The following RASGRF2 variants were observed in gnomAD, a reference collection of about 807,000 sequenced individuals.
RASGRF2 encodes the protein Ras protein specific guanine nucleotide releasing factor 2.
Under a neutral mutation model 151.0 loss-of-function variants are expected in RASGRF2, and 76 were observed. The observed-to-expected ratio is 0.50, with a 90% CI of 0.42 to 0.61. The LOEUF is 0.61. RASGRF2 is among the 20% of genes least tolerant of loss of function. The probability of loss-of-function intolerance (pLI) is 0.00; values close to 1 mark genes in which losing one functional copy is unlikely to be tolerated. For synonymous variants in RASGRF2, 504 were observed against 566.5 expected (o/e 0.89, Z 1.57); for missense variants, 1,148 against 1,564.6 (o/e 0.73, Z 4.49).
intron 17 of RASGRF2, among the ~76,000 whole-genome samples, chr5:81,144,115 ATGT>A (rs1316058807): frequency 2.6e-5 from 4 of 152,312 alleles, no homozygotes; most frequent in Middle Eastern, 3.4e-3. Context: ...ACCAATGATA[ATGT>A]TGTGATTATG....
At chr5:81,105,620 A>C (rs1402877803) in intron 12 of RASGRF2, among the ~76,000 whole-genome samples, 1 of 152,204 alleles carries the variant, frequency 6.6e-6, no homozygotes, top group Non-Finnish European at 1.5e-5. Context: ...GGTCTCACCA[A>C]ACACCATGTC....
chr5:81,015,137 G>C (rs10040873), intron 1 of RASGRF2, among the ~76,000 whole-genome samples: 19,532 of 152,096 alleles, frequency 0.13, 1,534 homozygotes, highest in South Asian at 0.19. Context: ...CACAAAGATG[G>C]TAGCCATTTT....
In RASGRF2 at chr5:81,113,793, T is replaced by G; in HGVS notation, c.2343T>G (p.Thr781=). 1 of 1,614,022 alleles carries G rather than the reference T, an allele frequency of 6.2e-7. No homozygotes were observed. Among genetic ancestry groups the G allele is most frequent in the Non-Finnish European group, 8.5e-7 (1 of 1,179,998 alleles). The change falls in exon 15 of 27, where the codon ACT becomes ACG. Residue 781 remains threonine, a synonymous_variant. Transcript: ENST00000265080. ...CCGCTGCGTCTCCACCACCACACAC[T>G]GGTCAGATACCACTGGATCTCAGCA... ...QSPAASPPPH[T]GQIPLDLSRG...
intron 1 of RASGRF2, among the ~76,000 whole-genome samples, chr5:80,968,085 T>C (rs1747780096): frequency 6.6e-6 from 1 of 152,266 alleles, no homozygotes; most frequent in African/African-American, 2.4e-5. Context: ...CAGGTTGTTG[T>C]GAGGCTCACA....
chr5:80,999,915 T>C (rs1307882128), intron 1 of RASGRF2, among the ~76,000 whole-genome samples: 1 of 152,190 alleles, frequency 6.6e-6, no homozygotes, highest in African/African-American at 2.4e-5. Flanking sequence ...GTTTAAAACA[T>C]CAATCACTTT....
At chr5:81,081,358 T>G (rs541641398) in intron 7 of RASGRF2, among the ~76,000 whole-genome samples, 1 of 152,292 alleles carries the variant, frequency 6.6e-6, no homozygotes, top group African/African-American at 2.4e-5. Flanking sequence ...ACCTGAGGAC[T>G]CTTGGCAACT....
At chr5:81,132,099 A>T (rs1753637325) in intron 17 of RASGRF2, among the ~76,000 whole-genome samples, 1 of 151,994 alleles carries the variant, frequency 6.6e-6, no homozygotes, top group Non-Finnish European at 1.5e-5. Context: ...TTGACACACT[A>T]TTTTTTTTAC....
intron 19 of RASGRF2, among the ~76,000 whole-genome samples, chr5:81,205,705 C>A (rs557804629): frequency 6.6e-6 from 1 of 152,294 alleles, no homozygotes; most frequent in South Asian, 2.1e-4. Context: ...CTTCCTCCAG[C>A]AGAGTACATG....
At chr5:80,982,580 CTATTATTAT>C (rs10634471) in intron 1 of RASGRF2, among the ~76,000 whole-genome samples, 1,975 of 135,158 alleles carry the variant, frequency 0.015, 36 homozygotes, top group Admixed American at 0.057. Flanking sequence ...AAATTTGGTT[CTATTATTAT>C]TATTATTATT....
intron 26 of RASGRF2, among the ~76,000 whole-genome samples, chr5:81,220,980 A>G (rs560559710): frequency 2.0e-5 from 3 of 152,120 alleles, no homozygotes; most frequent in Non-Finnish European, 4.4e-5. Flanking sequence ...GGTATTTTGC[A>G]GGATGGCCCA....
intron 2 of RASGRF2, among the ~76,000 whole-genome samples, chr5:81,057,133 T>C (rs2112427961): frequency 6.6e-6 from 1 of 152,314 alleles, no homozygotes; most frequent in East Asian, 1.9e-4. Context: ...CATTTACATT[T>C]AAGGTTAATA....
At chr5:80,963,460 GA>G (rs147681788) in intron 1 of RASGRF2, among the ~76,000 whole-genome samples, 2,902 of 152,154 alleles carry the variant, frequency 0.019, 41 homozygotes, top group South Asian at 0.059. Context: ...TTCTGTTAAT[GA>G]AATCTCTGTT....
intron 25 of RASGRF2, 105 bp from the exon 26 acceptor site, chr5:81,219,605 G>A (rs1170023502): frequency 4.5e-6 from 4 of 885,036 alleles, no homozygotes; most frequent in African/African-American, 1.7e-5. Flanking sequence ...TGGAGGAAGG[G>A]ACTGACCCTT....
At chr5:81,079,087 G>A (rs1234645266) in intron 5 of RASGRF2, among the ~76,000 whole-genome samples, 1 of 152,162 alleles carries the variant, frequency 6.6e-6, no homozygotes, top group East Asian at 1.9e-4. Flanking sequence ...CGCCTTCTGT[G>A]TCTTTCCAAG....
At chr5:81,198,919 G>A (rs762401972) in intron 18 of RASGRF2, among the ~76,000 whole-genome samples, 2 of 152,162 alleles carry the variant, frequency 1.3e-5, no homozygotes, top group East Asian at 1.9e-4. Flanking sequence ...TTTCCTTTGG[G>A]TATATACCCA....
chr5:81,119,827 C>T (rs1244147070), intron 15 of RASGRF2, among the ~76,000 whole-genome samples: 4 of 152,206 alleles, frequency 2.6e-5, no homozygotes, highest in African/African-American at 9.7e-5. Context: ...CACTGGATTT[C>T]CCCAAAACAA....
rs1217079813 is a variant in RASGRF2, at chr5:81,112,759, A to G, written c.1988A>G (p.Asn663Ser). Residue 663 changes from asparagine to serine, a missense_variant, in exon 14 of 27, where the codon AAC becomes AGC. By Grantham distance (46) the Asn-to-Ser change is conservative (BLOSUM62 1). Around this residue, in one of 5 missense-constraint regions of RASGRF2, gnomAD observed 646 missense variants for 807.4 expected, o/e 0.80. Coordinates refer to ENST00000265080, the MANE Select transcript of RASGRF2 (RefSeq NM_006909.3). ...CGGTTTCTTAGTATTGATTTCCTCA[A>G]CACCTTTCTGCACACCTATCGTATT... The part of the protein sequence containing the change: ...DLRFLSIDFL[N>S]TFLHTYRIFT... 4 of 1,614,002 alleles carry G rather than the reference A, an allele frequency of 2.5e-6. No homozygotes were observed. Among genetic ancestry groups the G allele is most frequent in the Admixed American group, 3.3e-5 (2 of 59,990 alleles).
intron 17 of RASGRF2, among the ~76,000 whole-genome samples, chr5:81,175,340 A>G (rs955420019): frequency 1.3e-5 from 2 of 152,252 alleles, no homozygotes; most frequent in Non-Finnish European, 2.9e-5. Flanking sequence ...CAAAGCAGCA[A>G]TAAATCTTAA....
At chr5:81,159,283 T>C (rs1042895944) in intron 17 of RASGRF2, among the ~76,000 whole-genome samples, 1 of 152,220 alleles carries the variant, frequency 6.6e-6, no homozygotes, top group African/African-American at 2.4e-5. Flanking sequence ...TATTTCAGAT[T>C]TGTGGACAAG....
Sources: allele counts gnomAD v4.1 joint callset (sites outside exome capture counted in the v4.1 genomes callset), GRCh38; gene constraint gnomAD v4.1.1; regional missense constraint gnomAD v4.1.1; transcripts MANE v1.5; gene names NCBI Gene and HGNC (gene_info 2026-07-23, HGNC 2026-07-21).